The following ST6GALNAC3 variants were observed in gnomAD, a reference collection of about 807,000 sequenced individuals.
The protein encoded by ST6GALNAC3 is ST6 N-acetylgalactosaminide alpha-2,6-sialyltransferase 3.
In ST6GALNAC3, 25 loss-of-function variants were observed where a neutral mutation model predicts 32.7. That is an observed-to-expected ratio of 0.76 (90% CI 0.56 to 1.07). ST6GALNAC3 has a LOEUF of 1.07. Ranked by LOEUF, ST6GALNAC3 falls within the 50% of genes least tolerant of loss-of-function variation. The probability of loss-of-function intolerance (pLI) is 0.00; values close to 1 mark genes in which losing one functional copy is unlikely to be tolerated. For synonymous variants in ST6GALNAC3, 129 were observed against 133.1 expected, an observed-to-expected ratio of 0.97 and a Z score of 0.21; for missense variants, 355 against 382.4, an observed-to-expected ratio of 0.93 and a Z score of 0.60.
At chr1:76,194,466 T>C (rs1654082223) in intron 1 of ST6GALNAC3, among the ~76,000 whole-genome samples, 1 of 151,722 alleles carries the variant, frequency 6.6e-6, no homozygotes, top group Admixed American at 6.6e-5. Context: ...GAAATATTTT[T>C]AAATATTTAA....
chr1:76,378,999 G>A (rs891674788), intron 2 of ST6GALNAC3, among the ~76,000 whole-genome samples: 7 of 152,192 alleles, frequency 4.6e-5, no homozygotes, highest in Non-Finnish European at 7.3e-5. Context: ...CGAGCGGCAA[G>A]TGATTCTCCT....
intron 1 of ST6GALNAC3, among the ~76,000 whole-genome samples, chr1:76,209,314 G>A (rs1259479476): frequency 1.3e-5 from 2 of 152,184 alleles, no homozygotes; most frequent in East Asian, 3.9e-4. Flanking sequence ...AAGCACTGTG[G>A]CTCATAAGGC....
At chr1:76,099,681 A>G (rs1647186178) in intron 1 of ST6GALNAC3, among the ~76,000 whole-genome samples, 2 of 152,212 alleles carry the variant, frequency 1.3e-5, no homozygotes, top group Non-Finnish European at 2.9e-5. Context: ...TGAAGTGGGC[A>G]GATTAGTGGG....
Position 76,629,005 on chromosome 1 carries a change from A to G in ST6GALNAC3, c.*199A>G. 7.2e-7 allele frequency: 1 copy of G among 1,384,874 alleles called. No homozygotes were observed. Among genetic ancestry groups the G allele is most frequent in the Non-Finnish European group, 9.3e-7 (1 of 1,075,330 alleles). The allele number at this position is 1,384,874 out of a possible 1,614,324, so 85.8% of individuals were successfully genotyped here. On this transcript the variant is annotated 3_prime_UTR_variant, in exon 5 of 5. Transcript: ENST00000328299. ...TTCATGGAGGATGGTTGTGCTCATGATGTTCTTTCTGGAGGTTCAACACTA... is the reference window on the plus strand; with the variant it reads ...TTCATGGAGGATGGTTGTGCTCATGGTGTTCTTTCTGGAGGTTCAACACTA...
intron 2 of ST6GALNAC3, among the ~76,000 whole-genome samples, chr1:76,380,586 A>G (rs1651624418): frequency 6.6e-6 from 1 of 152,214 alleles, no homozygotes; most frequent in Non-Finnish European, 1.5e-5. Flanking sequence ...TAGAATAGAT[A>G]AATATATTGT....
chr1:76,402,859 G>C (rs1653533305), intron 2 of ST6GALNAC3, among the ~76,000 whole-genome samples: 1 of 151,952 alleles, frequency 6.6e-6, no homozygotes, highest in South Asian at 2.1e-4. Context: ...TTCCAAGAAA[G>C]ATGTATTTCT....
chr1:76,295,066 T>G (rs1406852096), intron 1 of ST6GALNAC3, among the ~76,000 whole-genome samples: 3 of 150,596 alleles, frequency 2.0e-5, no homozygotes, highest in African/African-American at 7.3e-5. Context: ...AGAGCTCTGT[T>G]AAGCATTTTT....
intron 1 of ST6GALNAC3, among the ~76,000 whole-genome samples, chr1:76,185,488 T>A (rs1319240911): frequency 1.3e-5 from 2 of 152,188 alleles, no homozygotes; most frequent in African/African-American, 4.8e-5. Flanking sequence ...ATAAAATATG[T>A]CACGAAATCC....
At chr1:76,081,041 G>T (rs1027887557) in intron 1 of ST6GALNAC3, among the ~76,000 whole-genome samples, 4 of 152,190 alleles carry the variant, frequency 2.6e-5, no homozygotes, top group Non-Finnish European at 4.4e-5. Context: ...TGAACAGCCA[G>T]AGTGCTCAGG....
intron 1 of ST6GALNAC3, among the ~76,000 whole-genome samples, chr1:76,212,061 T>C (rs566328901): frequency 9.7e-4 from 148 of 152,314 alleles, no homozygotes; most frequent in Non-Finnish European, 1.9e-3. Context: ...TGCCAGACTT[T>C]CTTATTTAAG....
At chr1:76,202,480 C>T (rs1654584635) in intron 1 of ST6GALNAC3, among the ~76,000 whole-genome samples, 2 of 152,018 alleles carry the variant, frequency 1.3e-5, no homozygotes, top group African/African-American at 4.8e-5. Flanking sequence ...TGAAGAGCAC[C>T]CCACCTCCAC....
At chr1:76,147,851 TC>T (rs1193435685) in intron 1 of ST6GALNAC3, among the ~76,000 whole-genome samples, 1 of 152,162 alleles carries the variant, frequency 6.6e-6, no homozygotes, top group Non-Finnish European at 1.5e-5. Flanking sequence ...TCATCTGTCA[TC>T]ATCTCTCTTC....
chr1:76,178,975 C>T (rs1371824498), intron 1 of ST6GALNAC3, among the ~76,000 whole-genome samples: 3 of 151,276 alleles, frequency 2.0e-5, no homozygotes, highest in African/African-American at 4.8e-5. Context: ...GGCTGGTTTG[C>T]CCCCGGAACT....
intron 1 of ST6GALNAC3, among the ~76,000 whole-genome samples, chr1:76,235,835 GT>G (rs1400678980): frequency 6.6e-6 from 1 of 150,540 alleles, no homozygotes; most frequent in Non-Finnish European, 1.5e-5. Context: ...AATCTTTGGT[GT>G]TCCTGATCTC....
At chr1:76,212,910 G>GGA (rs1655249070) in intron 1 of ST6GALNAC3, among the ~76,000 whole-genome samples, 1 of 152,110 alleles carries the variant, frequency 6.6e-6, no homozygotes, top group South Asian at 2.1e-4. Flanking sequence ...ACACAGGAAG[G>GGA]GAGAAAGAAA....
intron 1 of ST6GALNAC3, among the ~76,000 whole-genome samples, chr1:76,266,915 T>C (rs183842011): frequency 3.3e-5 from 5 of 152,296 alleles, no homozygotes; most frequent in Admixed American, 3.3e-4. Flanking sequence ...AGAAATATTT[T>C]CTTTGGGTTA....
At chr1:76,294,023 A>C (rs1025699150) in intron 1 of ST6GALNAC3, among the ~76,000 whole-genome samples, 5 of 152,132 alleles carry the variant, frequency 3.3e-5, no homozygotes, top group Admixed American at 2.6e-4. Context: ...CTTCCTTTGC[A>C]CTCACTAAGA....
At chr1:76,151,194 G>A (rs1422898190) in intron 1 of ST6GALNAC3, among the ~76,000 whole-genome samples, 1 of 152,144 alleles carries the variant, frequency 6.6e-6, no homozygotes, top group Non-Finnish European at 1.5e-5. Flanking sequence ...TGGTTCCTAG[G>A]TGAGAATCAC....
intron 1 of ST6GALNAC3, among the ~76,000 whole-genome samples, chr1:76,184,505 T>G (rs1653407439): frequency 7.2e-6 from 1 of 138,084 alleles, no homozygotes; most frequent in Admixed American, 7.9e-5. Flanking sequence ...TGCCACTGCA[T>G]TCCCTCCTGG....
Sources: gnomAD v4.1 joint callset for allele counts (sites outside exome capture counted in the v4.1 genomes callset) on GRCh38, gnomAD v4.1.1 for gene constraint, MANE v1.5 for transcripts, NCBI Gene and HGNC (gene_info 2026-07-23, HGNC 2026-07-21) for gene names.